The following INPP4B variants were observed in gnomAD, a reference collection of about 807,000 sequenced individuals.
INPP4B encodes inositol polyphosphate 4-phosphatase type II.
INPP4B carries 55 observed loss-of-function variants against 122.5 expected under a neutral mutation model. The observed-to-expected ratio is 0.45, with a 90% CI of 0.36 to 0.56. The LOEUF is 0.56. Among genes scored for constraint, INPP4B ranks in the 20% least tolerant of loss-of-function variants. The probability of loss-of-function intolerance (pLI) is 0.00; values close to 1 mark genes in which losing one functional copy is unlikely to be tolerated. For missense variants in INPP4B, 1,000 were observed against 1,097.7 expected (o/e 0.91, Z 1.26); for synonymous variants, 403 against 388.7 (o/e 1.04, Z -0.43).
At chr4:142,044,562 G>A (rs1462503891) in intron 25 of INPP4B, among the ~76,000 whole-genome samples, 3 of 151,966 alleles carry the variant, frequency 2.0e-5, no homozygotes, top group Non-Finnish European at 4.4e-5. Flanking sequence ...GAAATGGAAG[G>A]CAGCATTCTA....
intron 2 of INPP4B, among the ~76,000 whole-genome samples, chr4:142,648,470 A>G (rs1399515849): frequency 1.3e-5 from 2 of 152,198 alleles, no homozygotes; most frequent in Non-Finnish European, 2.9e-5. Context: ...CTGTATGAAT[A>G]CTGTGCTGTT....
chr4:142,327,957 A>T (rs1773049504), intron 7 of INPP4B, among the ~76,000 whole-genome samples: 1 of 152,184 alleles, frequency 6.6e-6, no homozygotes, highest in African/African-American at 2.4e-5. Flanking sequence ...TCAGGGCTGA[A>T]GTCACAGCAA....
chr4:142,092,653 C>T (rs1780120855), intron 23 of INPP4B, among the ~76,000 whole-genome samples: 2 of 152,146 alleles, frequency 1.3e-5, no homozygotes, highest in African/African-American at 2.4e-5. Context: ...TACCTTACTG[C>T]TAGAATTTTC....
intron 5 of INPP4B, among the ~76,000 whole-genome samples, chr4:142,412,294 T>C (rs990966947): frequency 6.6e-6 from 1 of 152,274 alleles, no homozygotes; most frequent in East Asian, 1.9e-4. Flanking sequence ...CTCTAATTAC[T>C]TTATTAGTAT....
intron 14 of INPP4B, among the ~76,000 whole-genome samples, chr4:142,205,098 T>G (rs1432593897): frequency 2.6e-5 from 4 of 152,096 alleles, no homozygotes; most frequent in African/African-American, 9.7e-5. Context: ...AAACATATTG[T>G]CCTCATCCTA....
chr4:142,845,812 T>G (rs1784118617), intron 1 of INPP4B, among the ~76,000 whole-genome samples: 1 of 151,810 alleles, frequency 6.6e-6, no homozygotes, highest in Non-Finnish European at 1.5e-5. Flanking sequence ...AACCTCAGCG[T>G]CTCTCAGGGA....
Position 142,050,181 on chromosome 4 carries a change from G to C in INPP4B, c.2643-21267C>G, listed in dbSNP as rs550575996. Among the ~76,000 whole-genome samples, 42 of 151,994 alleles carry C rather than the reference G, an allele frequency of 2.8e-4. 1 individual carries two copies. The highest frequency in any genetic ancestry group is 6.8e-3 in the Middle Eastern group (2 of 294). On this transcript the variant is annotated intron_variant, in intron 25 of 25. Coordinates refer to ENST00000262992, the MANE Select transcript of INPP4B (RefSeq NM_001101669.3). ...AGCAAATAATTCACTGAAAACTGCTGCCAAGAAGTTGGCTAGGGGATAGGG... is the reference window on the plus strand; with the variant it reads ...AGCAAATAATTCACTGAAAACTGCTCCCAAGAAGTTGGCTAGGGGATAGGG...
At position 142,725,901 on chromosome 4, in the gene INPP4B, T is replaced by G. The variant is rs1256330262; in HGVS notation, c.-253A>C. 5.0e-6 allele frequency: 2 copies of G among 397,914 alleles called. No homozygotes were observed. Among genetic ancestry groups the G allele is most frequent in the Non-Finnish European group, 8.9e-6 (2 of 225,682 alleles). 24.6% of individuals were successfully genotyped at this position (397,914 alleles called of 1,614,324 possible). ...GCCAGGTAACACCATTTCTTTGTAT[T>G]CTACGGGAAAAGAGAAAGAAGATTA... On this transcript the variant is annotated splice_region_variant and 5_prime_UTR_variant, in exon 2 of 26. Transcript: ENST00000262992.
At chr4:142,680,926 T>G (rs1292652191) in intron 2 of INPP4B, among the ~76,000 whole-genome samples, 5 of 151,858 alleles carry the variant, frequency 3.3e-5, no homozygotes, top group Non-Finnish European at 4.4e-5. Flanking sequence ...GACACAAAAG[T>G]AAGCCAGACA....
intron 2 of INPP4B, among the ~76,000 whole-genome samples, chr4:142,536,680 G>C (rs911290402): frequency 1.3e-5 from 2 of 152,122 alleles, no homozygotes; most frequent in African/African-American, 4.8e-5. Context: ...AGATGGGAAG[G>C]GGCCATCTCA....
rs1166436780 is a variant in INPP4B at position 142,135,885 on chromosome 4, C to T, written c.1720+9955G>A. On this transcript the variant is annotated intron_variant, in intron 18 of 25. Transcript: ENST00000262992. ...GATCTCCGCTCACTGCTAGCTCCCC[C>T]GCCCAGGTTCACGCCATTCTCCTGC... Among the ~76,000 whole-genome samples the T allele has an allele frequency of 3.3e-5, 4 of 119,908 alleles. No individual in the cohort carries two copies. The East Asian group carries it at 6.8e-4, about 21-fold the overall frequency. The allele number at this position is 119,908 out of a possible 152,430, so 78.7% of individuals were successfully genotyped here.
Position 142,042,508 on chromosome 4 carries a change from A to ATGTGTGTG in INPP4B, c.2643-13602_2643-13595dup, listed in dbSNP as rs368600069. ...CAACCCCCTTTTCCACTGCCAATTTATGTGTGTGTGTATGTATGTATGTAT... is the reference window on the plus strand; with the variant it reads ...CAACCCCCTTTTCCACTGCCAATTTATGTGTGTGTGTGTGTGTGTATGTATGTATGTAT... On this transcript the variant is annotated intron_variant, in intron 25 of 25. Coordinates refer to ENST00000262992, the MANE Select transcript of INPP4B (RefSeq NM_001101669.3). Among the ~76,000 whole-genome samples, 68 of 142,426 alleles carry ATGTGTGTG rather than the reference A, an allele frequency of 4.8e-4. 1 individual carries two copies. Among genetic ancestry groups the ATGTGTGTG allele is most frequent in the African/African-American group, 1.6e-3 (58 of 37,308 alleles). 93.4% of individuals were successfully genotyped at this position (142,426 alleles called of 152,430 possible). A position where few individuals can be genotyped will look rare whatever the true frequency, so the allele number is the denominator to read the frequency against.
intron 2 of INPP4B, among the ~76,000 whole-genome samples, chr4:142,489,108 G>A (rs1821544633): frequency 6.6e-6 from 1 of 151,884 alleles, no homozygotes; most frequent in Non-Finnish European, 1.5e-5. Context: ...TTTCTTCTTT[G>A]ACCCACAAAT....
chr4:142,545,555 G>C (rs1388682308), intron 2 of INPP4B, among the ~76,000 whole-genome samples: 2 of 151,950 alleles, frequency 1.3e-5, no homozygotes, highest in Admixed American at 6.6e-5. Flanking sequence ...AAAAAGGTAA[G>C]TTCTTATGCC....
At chr4:142,607,423 A>C (rs1208851542) in intron 2 of INPP4B, among the ~76,000 whole-genome samples, 1 of 152,092 alleles carries the variant, frequency 6.6e-6, no homozygotes, top group Non-Finnish European at 1.5e-5. Context: ...AGAAATTGCC[A>C]CCTATTTATA....
At chr4:142,503,101 A>G (rs1049663408) in intron 2 of INPP4B, among the ~76,000 whole-genome samples, 1 of 152,186 alleles carries the variant, frequency 6.6e-6, no homozygotes. Flanking sequence ...GTGAAATAAC[A>G]ATATTTATGT....
chr4:142,295,752 C>CT (rs142874073), intron 9 of INPP4B, among the ~76,000 whole-genome samples: 90 of 143,802 alleles, frequency 6.3e-4, no homozygotes, highest in African/African-American at 1.6e-3. Flanking sequence ...TTTTTCTTTT[C>CT]TTTTTTTTTT....
intron 2 of INPP4B, among the ~76,000 whole-genome samples, chr4:142,682,354 A>G (rs1016878646): frequency 1.3e-5 from 2 of 151,746 alleles, no homozygotes; most frequent in Non-Finnish European, 2.9e-5. Flanking sequence ...ACGGATTATA[A>G]AAGAAATGCC....
chr4:142,729,655 A>G (rs1765808823), intron 1 of INPP4B, among the ~76,000 whole-genome samples: 1 of 152,056 alleles, frequency 6.6e-6, no homozygotes, highest in Non-Finnish European at 1.5e-5. Context: ...TTCTTCAGTA[A>G]TCCTCACCTC....
Sources: allele counts gnomAD v4.1 joint callset (sites outside exome capture counted in the v4.1 genomes callset), GRCh38; gene constraint gnomAD v4.1.1; transcripts MANE v1.5; gene names NCBI Gene and HGNC (gene_info 2026-07-23, HGNC 2026-07-21).